The following RTN1 variants were observed in gnomAD, a reference collection of about 807,000 sequenced individuals.
The protein encoded by RTN1 is reticulon 1, also known as reticulon-1.
Under a neutral mutation model 65.5 loss-of-function variants are expected in RTN1, and 25 were observed. The observed-to-expected ratio is 0.38, with a 90% CI of 0.28 to 0.53. The LOEUF (loss-of-function observed/expected upper bound fraction) is 0.53. Among genes scored for constraint, RTN1 ranks in the 20% least tolerant of loss-of-function variants. The probability of loss-of-function intolerance (pLI) is 0.79; values close to 1 mark genes in which losing one functional copy is unlikely to be tolerated. For synonymous variants in RTN1, 471 were observed against 447.6 expected, an observed-to-expected ratio of 1.05 and a Z score of -0.66; for missense variants, 983 against 1,025.4, an observed-to-expected ratio of 0.96 and a Z score of 0.57.
chr14:59,663,232 G>A (rs1883289596), intron 3 of RTN1, among the ~76,000 whole-genome samples: 1 of 152,130 alleles, frequency 6.6e-6, no homozygotes, highest in East Asian at 1.9e-4. Flanking sequence ...ACTGAAACTG[G>A]ACTCCTTCCT....
intron 3 of RTN1, among the ~76,000 whole-genome samples, chr14:59,623,690 T>C (rs1356727697): frequency 6.6e-6 from 1 of 152,234 alleles, no homozygotes; most frequent in South Asian, 2.1e-4. Context: ...TAAGATTGTG[T>C]CATCCCTTCT....
rs530431698 is a variant in RTN1 at position 59,856,805 on chromosome 14, T to C, written c.241+13585A>G. ...CATTCTCTATGGCATCTGACGCTAC[T>C]GACCAGGCTTCCTATTAATAGTACC... is the stretch of plus-strand genomic sequence containing the variant. On this transcript the variant is annotated intron_variant, in intron 1 of 8. Coordinates refer to ENST00000267484, the MANE Select transcript of RTN1 (RefSeq NM_021136.3). Among the ~76,000 whole-genome samples the C allele has an allele frequency of 3.9e-5, 6 of 152,358 alleles. No individual in the cohort carries two copies. In the South Asian group the frequency reaches 1.2e-3, roughly 32 times the overall value.
chr14:59,645,416 T>G (rs572054331), intron 3 of RTN1, among the ~76,000 whole-genome samples: 1 of 152,044 alleles, frequency 6.6e-6, no homozygotes, highest in Admixed American at 6.5e-5. Context: ...TTTCTATATG[T>G]TACATGTTTT....
At chr14:59,750,071 A>G (rs1885417335) in intron 1 of RTN1, among the ~76,000 whole-genome samples, 1 of 88,778 alleles carries the variant, frequency 1.1e-5, no homozygotes, top group African/African-American at 4.9e-5. Flanking sequence ...TATATTATAT[A>G]TTATATATTA....
intron 2 of RTN1, among the ~76,000 whole-genome samples, chr14:59,733,916 C>T (rs965241278): frequency 1.3e-5 from 2 of 152,190 alleles, no homozygotes; most frequent in African/African-American, 4.8e-5. Context: ...GTCCTTGATC[C>T]CCTTCCTCCT....
At chr14:59,753,495 C>T (rs1188165106) in intron 1 of RTN1, among the ~76,000 whole-genome samples, 2 of 152,100 alleles carry the variant, frequency 1.3e-5, no homozygotes, top group South Asian at 4.1e-4. Context: ...GTAGTTATGT[C>T]CCATTTTAAA....
intron 3 of RTN1, among the ~76,000 whole-genome samples, chr14:59,668,497 A>T (rs1883430188): frequency 6.6e-6 from 1 of 152,170 alleles, no homozygotes; most frequent in Non-Finnish European, 1.5e-5. Flanking sequence ...AACCATAAAA[A>T]CCCTAGAAGA....
At chr14:59,671,469 C>G (rs974181621) in intron 3 of RTN1, among the ~76,000 whole-genome samples, 1 of 152,176 alleles carries the variant, frequency 6.6e-6, no homozygotes, top group Non-Finnish European at 1.5e-5. Context: ...AACAATCGCA[C>G]ATATTAACAT....
intron 4 of RTN1, among the ~76,000 whole-genome samples, chr14:59,606,519 C>A (rs1438953150): frequency 6.6e-6 from 1 of 152,122 alleles, no homozygotes; most frequent in Admixed American, 6.5e-5. Context: ...AAAGTGAGGA[C>A]ACAGTGAGGA....
At chr14:59,796,668 G>A (rs1005606061) in intron 1 of RTN1, among the ~76,000 whole-genome samples, 2 of 152,000 alleles carry the variant, frequency 1.3e-5, no homozygotes, top group Non-Finnish European at 2.9e-5. Flanking sequence ...ATCTCCTCCT[G>A]GTCTAATGAA....
At chr14:59,634,470 CA>C (rs1882622092) in intron 3 of RTN1, among the ~76,000 whole-genome samples, 1 of 152,192 alleles carries the variant, frequency 6.6e-6, no homozygotes, top group Non-Finnish European at 1.5e-5. Flanking sequence ...TATGGAGTTT[CA>C]AACAATAGAT....
chr14:59,854,281 A>C (rs527650681), intron 1 of RTN1, among the ~76,000 whole-genome samples: 32 of 152,272 alleles, frequency 2.1e-4, no homozygotes, highest in African/African-American at 7.0e-4. Flanking sequence ...TGCTCACTGT[A>C]GTTCAGATAG....
chr14:59,678,817 G>C (rs1159117885), intron 3 of RTN1, among the ~76,000 whole-genome samples: 1 of 152,156 alleles, frequency 6.6e-6, no homozygotes, highest in Non-Finnish European at 1.5e-5. Context: ...AAGCACTGGG[G>C]GAGTTGGTTA....
chr14:59,861,631 C>A (rs1237544304), intron 1 of RTN1, among the ~76,000 whole-genome samples: 1 of 152,158 alleles, frequency 6.6e-6, no homozygotes, highest in African/African-American at 2.4e-5. Flanking sequence ...GGGAGAGAAT[C>A]TGTCTTTTCT....
At chr14:59,617,023 AT>A (rs778556547) in intron 3 of RTN1, among the ~76,000 whole-genome samples, 6 of 152,254 alleles carry the variant, frequency 3.9e-5, no homozygotes, top group Non-Finnish European at 7.3e-5. Flanking sequence ...ATTTGTTAAT[AT>A]TCTCAATTTA....
In RTN1 at chr14:59,713,504, C is replaced by T. The variant is rs190864694; in HGVS notation, c.1765+13415G>A. On this transcript the variant is annotated intron_variant, in intron 3 of 8. Transcript: ENST00000267484. ...AACTCATAACTTGGCATTCTGGTTTCGACCAGACTCAGACAAGCTTCAGAA... is the reference window on the plus strand; with the variant it reads ...AACTCATAACTTGGCATTCTGGTTTTGACCAGACTCAGACAAGCTTCAGAA... Among the ~76,000 whole-genome samples the T allele has an allele frequency of 6.4e-3, 968 of 152,300 alleles. 7 individuals are homozygous for T. Among genetic ancestry groups the T allele is most frequent in the African/African-American group, 0.022 (917 of 41,562 alleles).
intron 3 of RTN1, among the ~76,000 whole-genome samples, chr14:59,700,856 A>G (rs1884163379): frequency 6.6e-6 from 1 of 152,210 alleles, no homozygotes; most frequent in East Asian, 1.9e-4. Flanking sequence ...CAAAATAAAA[A>G]TAGATAAATG....
At chr14:59,617,874 T>C (rs1882146299) in intron 3 of RTN1, among the ~76,000 whole-genome samples, 2 of 152,116 alleles carry the variant, frequency 1.3e-5, no homozygotes, top group Admixed American at 1.3e-4. Context: ...CACCTTGGGG[T>C]TCACTCCCAT....
chr14:59,763,097 G>C (rs1433121896), intron 1 of RTN1, among the ~76,000 whole-genome samples: 1 of 152,096 alleles, frequency 6.6e-6, no homozygotes, highest in Admixed American at 6.5e-5. Flanking sequence ...CATATCATTT[G>C]GTAGACTCAA....
Sources: allele counts gnomAD v4.1 joint callset (sites outside exome capture counted in the v4.1 genomes callset), GRCh38; gene constraint gnomAD v4.1.1; transcripts MANE v1.5; gene names NCBI Gene and HGNC (gene_info 2026-07-23, HGNC 2026-07-21).